GPR84: variants seen among roughly 807,000 people sequenced by gnomAD.
GPR84 encodes G-protein coupled receptor 84.
In GPR84, 8 loss-of-function variants were observed where a neutral mutation model predicts 14.9. The observed-to-expected ratio is 0.54, with a 90% confidence interval of 0.31 to 0.97. The LOEUF is 0.97. Among genes scored for constraint, GPR84 ranks in the 50% least tolerant of loss-of-function variants. The pLI, the probability that GPR84 is intolerant of heterozygous loss-of-function variation, is 0.04. For missense variants in GPR84, 424 were observed against 498.7 expected (o/e 0.85, Z 1.43); for synonymous variants, 164 against 198.1 (o/e 0.83, Z 1.45).
downstream of GPR84, among the ~76,000 whole-genome samples, chr12:54,359,028 G>A (rs1016471377): frequency 2.6e-5 from 4 of 152,052 alleles, no homozygotes; most frequent in African/African-American, 9.7e-5. Context: ...CCTCCCAGTG[G>A]ACGAAAGAGA....
At position 54,363,621 on chromosome 12, in the gene GPR84, A is replaced by G. The variant is rs1954296247; in HGVS notation, c.231T>C (p.Ser77=). 2 of 1,613,944 alleles carry G rather than the reference A, an allele frequency of 1.2e-6. No homozygotes were observed. Among genetic ancestry groups the G allele is most frequent in the Non-Finnish European group, 1.7e-6 (2 of 1,179,948 alleles). Residue 77 remains serine, a synonymous_variant, in exon 2 of 2, where the codon TCT becomes TCC. Coordinates refer to ENST00000267015, the MANE Select transcript of GPR84 (RefSeq NM_020370.3). ...LLYCTLLQPF[S]VDTYLHLHWR... is the part of the protein sequence containing the mutation. ...AGTGCAGGTGGAGGTAGGTGTCCAC[A>G]GAGAAGGGCTGAAGGAGCGTGCAGT...
At position 54,363,176 on chromosome 12, in the gene GPR84, G is replaced by T; in HGVS notation, c.676C>A (p.His226Asn). 1 of 1,614,230 alleles carries T rather than the reference G, an allele frequency of 6.2e-7. No individual in the cohort carries two copies. Among genetic ancestry groups the T allele is most frequent in the East Asian group, 2.2e-5 (1 of 44,886 alleles). The change falls in exon 2 of 2, where the codon CAT becomes AAT. Residue 226 changes from histidine (H) to asparagine (N), a missense_variant. His to Asn is a moderately conservative substitution (Grantham distance 68). Transcript: ENST00000267015. ...ATGGCCTCATCAGTCCTGGCCACAT[G>T]GTTGGAGTGGATGCTTGCCTGTCGC... ...KLRQASIHSN[H>N]VARTDEAMPG...
At chr12:54,350,957 C>G in the GPR84 span, 2 of 197,404 alleles carry the variant, frequency 1.0e-5, no homozygotes. Flanking sequence ...AAAGAGAATT[C>G]TTTTCTATAG....
chr12:54,357,991 C>T (rs1287334023), downstream of GPR84, among the ~76,000 whole-genome samples: 6 of 152,120 alleles, frequency 3.9e-5, no homozygotes, highest in African/African-American at 1.4e-4. Context: ...ACCTGAAACC[C>T]ATTCCTCACC....
At chr12:54,355,943 G>T in the GPR84 span, among the ~76,000 whole-genome samples, 4 of 152,218 alleles carry the variant, frequency 2.6e-5, no homozygotes, top group Non-Finnish European at 4.4e-5. Context: ...AAACAGAGAA[G>T]AGTATGACCC....
downstream of GPR84, among the ~76,000 whole-genome samples, chr12:54,359,189 C>T (rs1954241993): frequency 6.6e-6 from 1 of 152,138 alleles, no homozygotes; most frequent in Non-Finnish European, 1.5e-5. Flanking sequence ...AGCTGCACCC[C>T]CCTCCCCGCG....
chr12:54,362,661 C>T lies in GPR84; in HGVS notation c.1191G>A (p.Ter397=), dbSNP rs757063062. ...AATTCTGGTGACTAGGGTCACAGTT[C>T]TAATGGAGCCTATGGAAACTCCGGG... ...RGPRSFHRLH[*] Residue 397 remains the stop codon, a stop_retained_variant, in exon 2 of 2, where the codon TAG becomes TAA. Coordinates refer to ENST00000267015, the MANE Select transcript of GPR84 (RefSeq NM_020370.3). This position sits in a 1 kb window ranked among gnomAD's most constrained non-coding sequence, Gnocchi z 4.0. 2 of 1,591,356 alleles carry T rather than the reference C, an allele frequency of 1.3e-6. No homozygotes were observed. The highest frequency in any genetic ancestry group is 1.7e-6 in the Non-Finnish European group (2 of 1,163,944).
intron 1 of GPR84, 30 bp from the exon 2 acceptor site, chr12:54,363,889 G>T: frequency 7.0e-7 from 1 of 1,434,878 alleles, no homozygotes; most frequent in South Asian, 1.3e-5. Flanking sequence ...AAGAGGAAGA[G>T]GGAATCAGAA....
chr12:54,363,681 C>A lies in GPR84; in HGVS notation c.171G>T (p.Leu57=). 2.5e-6 allele frequency: 4 copies of A among 1,614,010 alleles called. No homozygotes were observed. The highest frequency in any genetic ancestry group is 3.4e-6 in the Non-Finnish European group (4 of 1,179,954). ...CAGCCAGTGTGAGGTTGGCTATGAG[C>A]AGGTTGAATCGGGTACGGAGCTTGG... The part of the protein sequence containing the change: ...IQPKLRTRFN[L]LIANLTLADL... Residue 57 remains leucine, a synonymous_variant, in exon 2 of 2, where the codon CTG becomes CTT. Transcript: ENST00000267015.
downstream of GPR84, among the ~76,000 whole-genome samples, chr12:54,360,982 C>T (rs1181349247): frequency 6.6e-6 from 1 of 152,162 alleles, no homozygotes; most frequent in Non-Finnish European, 1.5e-5. Context: ...CCAGTCCTGC[C>T]TTGTGTCCTC....
rs1175323975 is a variant in GPR84, at chr12:54,363,540, A to G, written c.312T>C (p.Asn104=). 1 of 1,614,082 alleles carries G rather than the reference A, an allele frequency of 6.2e-7. No homozygotes were observed. The highest frequency in any genetic ancestry group is 1.1e-5 in the South Asian group (1 of 91,078). ...RVFGLLLFAS[N]SVSILTLCLI... ...GGCAGAGGGTCAGGATGGAGACAGAATTGGAGGCAAAAAGGAGGAGCCCAA... is the reference window on the plus strand; with the variant it reads ...GGCAGAGGGTCAGGATGGAGACAGAGTTGGAGGCAAAAAGGAGGAGCCCAA... Residue 104 remains asparagine, a synonymous_variant, in exon 2 of 2, where the codon AAT becomes AAC. Transcript: ENST00000267015.
downstream of GPR84, among the ~76,000 whole-genome samples, chr12:54,359,409 G>A (rs1954245574): frequency 6.6e-6 from 1 of 151,736 alleles, no homozygotes; most frequent in Non-Finnish European, 1.5e-5. Flanking sequence ...AGCCCGGGCG[G>A]GCGACTGGGG....
downstream of GPR84, among the ~76,000 whole-genome samples, chr12:54,358,967 CT>C (rs1156611067): frequency 6.6e-6 from 1 of 152,134 alleles, no homozygotes; most frequent in African/African-American, 2.4e-5. Context: ...CATGTGTACC[CT>C]CAGACCCCAT....
chr12:54,351,648 C>T, the GPR84 span: 3 of 152,284 alleles, frequency 2.0e-5, no homozygotes, highest in African/African-American at 4.8e-5. Flanking sequence ...ACTTCCTCCC[C>T]ACAAAAATGC....
the GPR84 span, among the ~76,000 whole-genome samples, chr12:54,354,131 T>G: frequency 6.6e-6 from 1 of 151,462 alleles, no homozygotes; most frequent in African/African-American, 2.4e-5. Flanking sequence ...TTTTTTTTTT[T>G]TGAGACAGGG....
chr12:54,350,760 G>A, the GPR84 span: 6 of 571,936 alleles, frequency 1.0e-5, no homozygotes, highest in Non-Finnish European at 3.1e-6. Context: ...ATAGGGCAGG[G>A]GAAGCACCCT....
chr12:54,355,990 G>T, the GPR84 span, among the ~76,000 whole-genome samples: 1 of 152,326 alleles, frequency 6.6e-6, no homozygotes, highest in Non-Finnish European at 1.5e-5. Flanking sequence ...AAACCTGGGA[G>T]AAAGGAAGAG....
At chr12:54,361,824 T>G (rs1408489840), downstream of GPR84, among the ~76,000 whole-genome samples, 1 of 152,236 alleles carries the variant, frequency 6.6e-6, no homozygotes, top group African/African-American at 2.4e-5. This position sits in a 1 kb window ranked among gnomAD's most constrained non-coding sequence, Gnocchi z 4.3. Context: ...CTTGCTTTCA[T>G]AAGTCCAGAT....
At chr12:54,357,704 A>G (rs1247874225), downstream of GPR84, among the ~76,000 whole-genome samples, 1 of 152,148 alleles carries the variant, frequency 6.6e-6, no homozygotes, top group African/African-American at 2.4e-5. Flanking sequence ...GGGGATTTCA[A>G]ATCTTCCTTT....
Sources: gnomAD v4.1 joint callset for allele counts (sites outside exome capture counted in the v4.1 genomes callset) on GRCh38, gnomAD v4.1.1 for gene constraint, Gnocchi (gnomAD v3.1) non-coding constraint, MANE v1.5 for transcripts, NCBI Gene and HGNC (gene_info 2026-07-23, HGNC 2026-07-21) for gene names.